The following TRIM13 variants were observed in gnomAD, a reference collection of about 807,000 sequenced individuals.
The protein encoded by TRIM13 is tripartite motif containing 13.
TRIM13 carries 15 observed loss-of-function variants against 27.1 expected under a neutral mutation model. The ratio of observed to expected loss-of-function variants is 0.55; its 90% confidence interval spans 0.37 to 0.85. The LOEUF (loss-of-function observed/expected upper bound fraction) is 0.85. TRIM13 is among the 40% of genes least tolerant of loss of function. The pLI is 0.00. For synonymous variants in TRIM13, 193 were observed against 171.5 expected, an observed-to-expected ratio of 1.13 and a Z score of -0.98; for missense variants, 402 against 472.2, an observed-to-expected ratio of 0.85 and a Z score of 1.38.
rs1267540604 is a variant in TRIM13 at position 49,997,640 on chromosome 13, A to G, written c.-130A>G. On this transcript the variant is annotated 5_prime_UTR_variant, in exon 1 of 2. The change creates a new upstream start codon in the 5' untranslated region. Transcript: ENST00000378182. ...GTGCTGTGCAAATAAATGCGTTAATACTGTTCTTTTTCTTCTTTCTTTGCA... is the reference window on the plus strand; with the variant it reads ...GTGCTGTGCAAATAAATGCGTTAATGCTGTTCTTTTTCTTCTTTCTTTGCA... The G allele has an allele frequency of 6.6e-6, 1 of 151,992 alleles. No homozygotes were observed. The highest frequency in any genetic ancestry group is 1.5e-5 in the Non-Finnish European group (1 of 68,000). 9.4% of individuals were successfully genotyped at this position (151,992 alleles called of 1,614,324 possible). A position where few individuals can be genotyped will look rare whatever the true frequency, so the allele number is the denominator to read the frequency against.
rs1362603928 is a variant in TRIM13 at position 50,012,071 on chromosome 13, A to T, written c.131A>T (p.Asn44Ile). The T allele has an allele frequency of 1.9e-6, 3 of 1,614,142 alleles. No individual in the cohort carries two copies. Among genetic ancestry groups the T allele is most frequent in the Middle Eastern group, 1.6e-4 (1 of 6,062 alleles). ...LEGILEGSVRNSLWRPAPFKC... is the reference protein window; with the variant it reads ...LEGILEGSVRISLWRPAPFKC... Reference sequence around the variant, plus strand: ...GGTATCTTAGAAGGGAGTGTGCGGAATTCCTTGTGGAGACCAGCTCCATTC... The same window carrying T: ...GGTATCTTAGAAGGGAGTGTGCGGATTTCCTTGTGGAGACCAGCTCCATTC... Residue 44 changes from asparagine to isoleucine, a missense_variant, in exon 2 of 2, where the codon AAT (asparagine) becomes ATT (isoleucine). By Grantham distance (149) the Asn-to-Ile change is moderately radical (BLOSUM62 -3). Transcript: ENST00000378182.
intron 1 of TRIM13, among the ~76,000 whole-genome samples, chr13:49,998,418 G>A (rs1873539672): frequency 6.6e-6 from 1 of 152,164 alleles, no homozygotes. Context: ...GATACCTTAT[G>A]TAATATTTGT....
rs1428392134 is a variant in TRIM13, at chr13:50,014,683, A to G, written c.*1519A>G. The G allele has an allele frequency of 6.0e-6, 1 of 166,604 alleles. No individual in the cohort carries two copies. Among genetic ancestry groups the G allele is most frequent in the African/African-American group, 2.4e-5 (1 of 41,148 alleles). 10.3% of individuals were successfully genotyped at this position (166,604 alleles called of 1,614,324 possible). On this transcript the variant is annotated 3_prime_UTR_variant, in exon 2 of 2. Transcript: ENST00000378182. ...AATAAACACCTTGCTTAGAATTCAT[A>G]TAACAAAGAAGTAACCTTATAACTG...
intron 1 of TRIM13, among the ~76,000 whole-genome samples, chr13:49,999,230 T>C (rs533809304): frequency 1.3e-5 from 2 of 152,096 alleles, no homozygotes; most frequent in Admixed American, 6.6e-5. Flanking sequence ...AACAAAAAAT[T>C]AGGGTGGGAG....
chr13:50,012,355 AG>A lies in TRIM13; in HGVS notation c.418del (p.Asp140MetfsTer36). On this transcript the variant is annotated frameshift_variant, in exon 2 of 2. Transcript: ENST00000378182. LOFTEE classifies it high-confidence loss of function. ...TATTGAAGATGCCTATGCTCAGGAA[AG>A]GGATGCCTTTGAGTCCCTCTTCCAG... Reference protein sequence around the residue: ...CSIEDAYAQERDAFESLFQSF... With the variant: ...CSIEDAYAQEXDAFESLFQSF... The A allele has an allele frequency of 6.2e-7, 1 of 1,614,148 alleles. No individual in the cohort carries two copies. The highest frequency in any genetic ancestry group is 8.5e-7 in the Non-Finnish European group (1 of 1,180,006).
In TRIM13 at chr13:50,014,394, T is replaced by C. The variant is rs970838986; in HGVS notation, c.*1230T>C. 1.4e-5 allele frequency: 2 copies of C among 144,916 alleles called. No individual in the cohort carries two copies. The highest frequency in any genetic ancestry group is 3.1e-5 in the Non-Finnish European group (2 of 63,738). 9.0% of individuals were successfully genotyped at this position (144,916 alleles called of 1,614,324 possible). On this transcript the variant is annotated 3_prime_UTR_variant, in exon 2 of 2. Coordinates refer to ENST00000378182, the MANE Select transcript of TRIM13 (RefSeq NM_213590.3). Reference sequence around the variant, plus strand: ...ACACACACATATGTACACATACATATATATACATATATATGTATATATAGA... The same window carrying C: ...ACACACACATATGTACACATACATACATATACATATATATGTATATATAGA...
rs1876409382 is a variant in TRIM13, at chr13:50,015,400, A to G, written c.*2236A>G. 1.1e-6 allele frequency: 1 copy of G among 902,150 alleles called. No homozygotes were observed. Among genetic ancestry groups the G allele is most frequent in the Non-Finnish European group, 1.7e-6 (1 of 575,414 alleles). The allele number at this position is 902,150 out of a possible 1,614,324, so 55.9% of individuals were successfully genotyped here. ...TTTTTGTTATTCTTCCCTCCCCTCC[A>G]CTGCATAATCATGTATAACTAGCAA... On this transcript the variant is annotated 3_prime_UTR_variant, in exon 2 of 2. Coordinates refer to ENST00000378182, the MANE Select transcript of TRIM13 (RefSeq NM_213590.3).
rs1876890216 is a variant in TRIM13 at position 50,018,384 on chromosome 13, A to T, written c.*5220A>T. The T allele has an allele frequency of 6.0e-6, 1 of 166,490 alleles. No homozygotes were observed. Among genetic ancestry groups the T allele is most frequent in the Non-Finnish European group, 1.5e-5 (1 of 68,116 alleles). The allele number at this position is 166,490 out of a possible 1,614,324, so 10.3% of individuals were successfully genotyped here. A position where few individuals can be genotyped will look rare whatever the true frequency, so the allele number is the denominator to read the frequency against. ...AATGTTTTTAGACTGTACAGTCAAGATCTGGCGCTTGGGGGTAAGTGGAAT... is the reference window on the plus strand; with the variant it reads ...AATGTTTTTAGACTGTACAGTCAAGTTCTGGCGCTTGGGGGTAAGTGGAAT... On this transcript the variant is annotated 3_prime_UTR_variant, in exon 2 of 2. Transcript: ENST00000378182.
intron 1 of TRIM13, among the ~76,000 whole-genome samples, chr13:50,010,103 C>T: frequency 7.4e-6 from 1 of 135,678 alleles, no homozygotes; most frequent in Non-Finnish European, 1.5e-5. Context: ...GGCTGGAGTG[C>T]AGTGGTGCTA....
intron 1 of TRIM13, among the ~76,000 whole-genome samples, chr13:50,007,656 C>T (rs4942902): frequency 0.06 from 8,592 of 142,462 alleles, 883 homozygotes; most frequent in East Asian, 0.44. Context: ...TGGCAGGTGC[C>T]TGTAAATCCC....
rs869065030 is a variant in TRIM13 at position 50,015,094 on chromosome 13, AATATATATATATAT to A, written c.*1974_*1987del. On this transcript the variant is annotated 3_prime_UTR_variant, in exon 2 of 2. Coordinates refer to ENST00000378182, the MANE Select transcript of TRIM13 (RefSeq NM_213590.3). The stretch of plus-strand genomic sequence containing the variant: ...CAGTAATAAAAAAAAAAAAAAAAAA[AATATATATATATAT>A]ATATATATATATATATATATATATA... The A allele has an allele frequency of 1.5e-3, 25 of 16,838 alleles. 3 individuals are homozygous for A. The highest frequency in any genetic ancestry group is 4.3e-3 in the African/African-American group (24 of 5,522). 1.0% of individuals were successfully genotyped at this position (16,838 alleles called of 1,614,324 possible). A position where few individuals can be genotyped will look rare whatever the true frequency, so the allele number is the denominator to read the frequency against.
chr13:50,005,566 C>T (rs906578312), intron 1 of TRIM13, among the ~76,000 whole-genome samples: 2 of 150,596 alleles, frequency 1.3e-5, no homozygotes, highest in Non-Finnish European at 3.0e-5. Context: ...CCCAGCTACT[C>T]GGGGAGACTA....
intron 1 of TRIM13, among the ~76,000 whole-genome samples, chr13:50,009,355 T>A (rs541910911): frequency 1.3e-5 from 2 of 151,988 alleles, no homozygotes; most frequent in Non-Finnish European, 2.9e-5. Flanking sequence ...TGCCTGTAAT[T>A]CCAGCACTTT....
At position 50,015,145 on chromosome 13, in the gene TRIM13, A is replaced by ATC. The variant is rs1876367448; in HGVS notation, c.*1982_*1983insCT. 8.6e-6 allele frequency: 1 copy of ATC among 116,516 alleles called. No homozygotes were observed. Among genetic ancestry groups the ATC allele is most frequent in the Non-Finnish European group, 1.8e-5 (1 of 56,234 alleles). 7.2% of individuals were successfully genotyped at this position (116,516 alleles called of 1,614,324 possible). A position where few individuals can be genotyped will look rare whatever the true frequency, so the allele number is the denominator to read the frequency against. ...TATATATATATATATATATATATAT[A>ATC]TATATAGTTTTACTAGGTTTTCATG... On this transcript the variant is annotated 3_prime_UTR_variant, in exon 2 of 2. Transcript: ENST00000378182.
chr13:49,999,236 G>T (rs1398876420), intron 1 of TRIM13, among the ~76,000 whole-genome samples: 1 of 152,056 alleles, frequency 6.6e-6, no homozygotes, highest in Non-Finnish European at 1.5e-5. Context: ...AAATTAGGGT[G>T]GGAGGGCCAG....
chr13:50,006,786 C>CT (rs1444778119), intron 1 of TRIM13, among the ~76,000 whole-genome samples: 1 of 152,068 alleles, frequency 6.6e-6, no homozygotes, highest in Non-Finnish European at 1.5e-5. Flanking sequence ...CTAATTACAC[C>CT]TTTTTTTGCA....
At position 50,013,288 on chromosome 13, in the gene TRIM13, A is replaced by G; in HGVS notation, c.*124A>G. Reference sequence around the variant, plus strand: ...TCCAAAAGTATTCCTTCCAAAAATAATCTATACATGTTCAAATTAGGTAGC... The same window carrying G: ...TCCAAAAGTATTCCTTCCAAAAATAGTCTATACATGTTCAAATTAGGTAGC... On this transcript the variant is annotated 3_prime_UTR_variant, in exon 2 of 2. Coordinates refer to ENST00000378182, the MANE Select transcript of TRIM13 (RefSeq NM_213590.3). 6 of 1,017,470 alleles carry G rather than the reference A, an allele frequency of 5.9e-6. No individual in the cohort carries two copies. The highest frequency in any genetic ancestry group is 8.3e-6 in the Non-Finnish European group (6 of 719,320). The allele number at this position is 1,017,470 out of a possible 1,614,324, so 63.0% of individuals were successfully genotyped here. A position where few individuals can be genotyped will look rare whatever the true frequency, so the allele number is the denominator to read the frequency against.
rs985348380 is a variant in TRIM13, at chr13:50,017,989, T to C, written c.*4825T>C. On this transcript the variant is annotated 3_prime_UTR_variant, in exon 2 of 2. Transcript: ENST00000378182. ...TTATTATCTCTCAAGGTCACAGTACTAGAAATACTTGGCTTGCATCTTTCA... is the reference window on the plus strand; with the variant it reads ...TTATTATCTCTCAAGGTCACAGTACCAGAAATACTTGGCTTGCATCTTTCA... 3 of 167,084 alleles carry C rather than the reference T, an allele frequency of 1.8e-5. No individual in the cohort carries two copies. In the Admixed American group the frequency reaches 2.0e-4, roughly 11 times the overall value. The allele number at this position is 167,084 out of a possible 1,614,324, so 10.4% of individuals were successfully genotyped here. A position where few individuals can be genotyped will look rare whatever the true frequency, so the allele number is the denominator to read the frequency against.
In TRIM13 at chr13:50,013,206, T is replaced by TA. The variant is rs1875888983; in HGVS notation, c.*43dup. On this transcript the variant is annotated 3_prime_UTR_variant, in exon 2 of 2. Coordinates refer to ENST00000378182, the MANE Select transcript of TRIM13 (RefSeq NM_213590.3). ...GCAGTTTTCTTTTGTTAGAAATTGT[T>TA]AGAGAATAGAGAGTGGTAATTCAGA... is the stretch of plus-strand genomic sequence containing the variant. The TA allele has an allele frequency of 2.0e-6, 3 of 1,500,024 alleles. No individual in the cohort carries two copies. The highest frequency in any genetic ancestry group is 1.4e-5 in the South Asian group (1 of 71,140). The allele number at this position is 1,500,024 out of a possible 1,614,324, so 92.9% of individuals were successfully genotyped here. A position where few individuals can be genotyped will look rare whatever the true frequency, so the allele number is the denominator to read the frequency against.
Sources: gnomAD v4.1 joint callset for allele counts (sites outside exome capture counted in the v4.1 genomes callset) on GRCh38, gnomAD v4.1.1 for gene constraint, MANE v1.5 for transcripts, NCBI Gene and HGNC (gene_info 2026-07-23, HGNC 2026-07-21) for gene names.